SDK1: variants seen among roughly 807,000 people sequenced by gnomAD.
The protein encoded by SDK1 is protein sidekick-1.
In SDK1, 157 loss-of-function variants were observed where a neutral mutation model predicts 245.5. The ratio of observed to expected loss-of-function variants is 0.64; its 90% CI spans 0.56 to 0.73. The LOEUF is 0.73. Ranked by LOEUF, SDK1 falls within the 30% of genes least tolerant of loss-of-function variation. The pLI is 0.00. For synonymous variants in SDK1, 1,647 were observed against 1,278.5 expected (o/e 1.29, Z -6.15); for missense variants, 3,583 against 3,002.3 (o/e 1.19, Z -4.52).
chr7:4,088,203 C>A (rs1465041486), intron 22 of SDK1, among the ~76,000 whole-genome samples: 1 of 152,182 alleles, frequency 6.6e-6, no homozygotes, highest in African/African-American at 2.4e-5. Flanking sequence ...TTTGGGAATT[C>A]TCTTGTTAGT....
chr7:3,669,809 C>G (rs571217343), intron 4 of SDK1, among the ~76,000 whole-genome samples: 1 of 152,172 alleles, frequency 6.6e-6, no homozygotes, highest in Non-Finnish European at 1.5e-5. Flanking sequence ...ATTGTATTTT[C>G]CTGGAGTTTT....
chr7:4,115,706 C>T (rs560365858), intron 25 of SDK1, among the ~76,000 whole-genome samples: 3 of 152,260 alleles, frequency 2.0e-5, no homozygotes, highest in South Asian at 4.1e-4. Context: ...CCAGAGTCCT[C>T]GGAAATGCCC....
chr7:3,915,502 C>T (rs1042982772), intron 5 of SDK1, among the ~76,000 whole-genome samples: 2 of 152,170 alleles, frequency 1.3e-5, no homozygotes, highest in Non-Finnish European at 2.9e-5. Flanking sequence ...TCCCCTTTCG[C>T]TTGGCCCTCA....
Position 4,046,027 on chromosome 7 carries a change from C to T in SDK1, c.2603-3321C>T, listed in dbSNP as rs150054305. On this transcript the variant is annotated intron_variant, in intron 17 of 44. Transcript: ENST00000404826. The stretch of plus-strand genomic sequence containing the variant: ...CACGGCAGCCTCACACTCCTGGGGT[C>T]AAGGGATCCTCCTGCCTCAGCCTCC... Among the ~76,000 whole-genome samples, 133 of 152,038 alleles carry T rather than the reference C, an allele frequency of 8.7e-4. 1 individual carries two copies. The highest frequency in any genetic ancestry group is 3.1e-3 in the African/African-American group (129 of 41,480).
At chr7:4,008,509 A>G (rs1003306120) in intron 14 of SDK1, among the ~76,000 whole-genome samples, 5 of 152,240 alleles carry the variant, frequency 3.3e-5, no homozygotes, top group African/African-American at 1.2e-4. Context: ...GTCGGGTCAT[A>G]CAATCTAAAC....
chr7:3,789,982 C>G (rs1781030292), intron 4 of SDK1, among the ~76,000 whole-genome samples: 2 of 152,116 alleles, frequency 1.3e-5, no homozygotes, highest in Non-Finnish European at 1.5e-5. Context: ...TGGTCGCCAG[C>G]TAACTCTGCA....
At chr7:3,639,251 GAGAGATAAGTAAGCA>G (rs1782570002) in intron 3 of SDK1, 141 bp downstream of exon 3, 1 of 469,732 alleles carries the variant, frequency 2.1e-6, no homozygotes, top group African/African-American at 2.0e-5. Flanking sequence ...AAAACTCAGT[GAGAGATAAGTAAGCA>G]GCCAGCGTGG....
chr7:4,223,477 A>G (rs1411690303), intron 40 of SDK1, among the ~76,000 whole-genome samples: 1 of 151,858 alleles, frequency 6.6e-6, no homozygotes, highest in South Asian at 2.1e-4. Context: ...GTTTCCTGTA[A>G]CCTCTCCCCC....
chr7:3,398,115 A>ACTGTAGGTTTTCTGTAG (rs1421222717), intron 1 of SDK1, among the ~76,000 whole-genome samples: 116 of 152,120 alleles, frequency 7.6e-4, no homozygotes, highest in Non-Finnish European at 1.2e-3. Flanking sequence ...GTTTTCTGTA[A>ACTGTAGGTTTTCTGTAG]CTGTAGGTTT....
In SDK1 at chr7:4,208,185, C is replaced by A. The variant is rs763486826; in HGVS notation, c.5301C>A (p.Asn1767Lys). The A allele has an allele frequency of 6.2e-7, 1 of 1,613,954 alleles. No homozygotes were observed. Among genetic ancestry groups the A allele is most frequent in the Non-Finnish European group, 8.5e-7 (1 of 1,179,886 alleles). Reference sequence around the variant, plus strand: ...CCGAGCCCGTGGTGAGGCTGAAGAACCTGACCAGCCATACCAAGTACCTGG... The same window carrying A: ...CCGAGCCCGTGGTGAGGCTGAAGAAACTGACCAGCCATACCAAGTACCTGG... The part of the protein sequence containing the change: ...FLPEPVVRLK[N>K]LTSHTKYLVS... Residue 1767 changes from asparagine to lysine, a missense_variant, in exon 37 of 45, where the codon AAC becomes AAA. Coordinates refer to ENST00000404826, the MANE Select transcript of SDK1 (RefSeq NM_152744.4).
chr7:4,143,642 G>A (rs1779737262), intron 28 of SDK1, among the ~76,000 whole-genome samples: 2 of 152,300 alleles, frequency 1.3e-5, no homozygotes, highest in South Asian at 4.1e-4. Flanking sequence ...CTATTGGAGA[G>A]GATGCTTCTG....
rs574169829 is a variant in SDK1 at position 4,239,178 on chromosome 7, C to A, written c.6130+1394C>A. Among the ~76,000 whole-genome samples, 517 of 152,304 alleles carry A rather than the reference C, an allele frequency of 3.4e-3. 4 individuals carry two copies. Among genetic ancestry groups the A allele is most frequent in the African/African-American group, 0.012 (498 of 41,572 alleles). ...GACCCACTATCATTAGAGAAAGGAG[C>A]AAATGAACGTAGGGTAAAGCCAGCC... On this transcript the variant is annotated intron_variant, in intron 42 of 44. Coordinates refer to ENST00000404826, the MANE Select transcript of SDK1 (RefSeq NM_152744.4).
intron 5 of SDK1, among the ~76,000 whole-genome samples, chr7:3,913,270 C>G (rs1779244646): frequency 6.6e-6 from 1 of 151,434 alleles, no homozygotes; most frequent in African/African-American, 2.4e-5. Flanking sequence ...CTCCCCTCCT[C>G]TGACCTTTCT....
At chr7:3,607,780 C>T (rs1025155267) in intron 1 of SDK1, among the ~76,000 whole-genome samples, 1 of 152,202 alleles carries the variant, frequency 6.6e-6, no homozygotes, top group Non-Finnish European at 1.5e-5. Context: ...CAATTTCATT[C>T]TGTGACAACA....
chr7:4,137,339 A>G (rs1203553226), intron 28 of SDK1, among the ~76,000 whole-genome samples: 1 of 152,176 alleles, frequency 6.6e-6, no homozygotes, highest in African/African-American at 2.4e-5. Context: ...AAGTCTCCAA[A>G]TTGCTCTGTG....
At chr7:3,677,957 A>C (rs1783959794) in intron 4 of SDK1, among the ~76,000 whole-genome samples, 1 of 152,214 alleles carries the variant, frequency 6.6e-6, no homozygotes, top group African/African-American at 2.4e-5. Context: ...CAGAACAAAC[A>C]AAGTATTTCC....
intron 1 of SDK1, among the ~76,000 whole-genome samples, chr7:3,331,903 C>A (rs939424707): frequency 1.3e-5 from 2 of 152,094 alleles, no homozygotes; most frequent in African/African-American, 4.8e-5. Flanking sequence ...TAAAATGTAA[C>A]CTTGCAATGT....
chr7:3,986,600 C>CCT (rs1783848511), intron 13 of SDK1, among the ~76,000 whole-genome samples: 1 of 152,192 alleles, frequency 6.6e-6, no homozygotes, highest in African/African-American at 2.4e-5. Flanking sequence ...GTGGCTCACG[C>CCT]CTGTAATCCC....
intron 1 of SDK1, among the ~76,000 whole-genome samples, chr7:3,585,693 G>A (rs915308429): frequency 6.6e-6 from 1 of 152,174 alleles, no homozygotes; most frequent in Non-Finnish European, 1.5e-5. Flanking sequence ...AGAGACGGGA[G>A]TTTGGTAGGG....
Sources: allele counts gnomAD v4.1 joint callset (sites outside exome capture counted in the v4.1 genomes callset), GRCh38; gene constraint gnomAD v4.1.1; transcripts MANE v1.5; gene names NCBI Gene and HGNC (gene_info 2026-07-23, HGNC 2026-07-21).